The following GALNT14 variants were observed in gnomAD, a reference collection of about 807,000 sequenced individuals.
GALNT14 encodes polypeptide N-acetylgalactosaminyltransferase 14, also known as UDP-GalNAc:polypeptide N-acetylgalactosaminyltransferase 14.
A neutral mutation model predicts 77.5 loss-of-function variants in GALNT14; 60 were observed. The ratio of observed to expected loss-of-function variants is 0.77; its 90% CI spans 0.63 to 0.96. The LOEUF is 0.96. Ranked by LOEUF, GALNT14 falls within the 40% of genes least tolerant of loss-of-function variation. The probability of loss-of-function intolerance (pLI) is 0.00; values close to 1 mark genes in which losing one functional copy is unlikely to be tolerated. For missense variants in GALNT14, 710 were observed against 731.0 expected (o/e 0.97, Z 0.33); for synonymous variants, 280 against 281.7 (o/e 0.99, Z 0.06).
chr2:31,057,372 GTGTATA>G (rs779891736), intron 1 of GALNT14, among the ~76,000 whole-genome samples: 12,379 of 78,766 alleles, frequency 0.16, 648 homozygotes, highest in East Asian at 0.21. Context: ...GTGTGTGTGT[GTGTATA>G]TATATATATA....
intron 1 of GALNT14, among the ~76,000 whole-genome samples, chr2:31,048,415 G>C (rs969098530): frequency 1.3e-5 from 2 of 152,218 alleles, no homozygotes; most frequent in African/African-American, 4.8e-5. Flanking sequence ...AAGGAAGACA[G>C]GGCTCTACTT....
chr2:31,138,148 G>T lies in GALNT14; in HGVS notation c.-62C>A. 3 of 1,610,034 alleles carry T rather than the reference G, an allele frequency of 1.9e-6. No individual in the cohort carries two copies. In the South Asian group the frequency reaches 3.3e-5, roughly 18 times the overall value. ...CCCGGGGGCACCCCCCGGCGGTCAG[G>T]GTTGGCGGGGCAGGAGTCCTGGCGA... On this transcript the variant is annotated 5_prime_UTR_variant, in exon 1 of 15. Coordinates refer to ENST00000349752, the MANE Select transcript of GALNT14 (RefSeq NM_024572.4).
the GALNT14 span, among the ~76,000 whole-genome samples, chr2:30,899,361 G>C: frequency 1.3e-5 from 2 of 152,218 alleles, no homozygotes; most frequent in Non-Finnish European, 2.9e-5. Context: ...GAATTTCTTG[G>C]AGGACCATCC....
At chr2:31,128,291 C>T (rs1328777997) in intron 1 of GALNT14, among the ~76,000 whole-genome samples, 4 of 152,070 alleles carry the variant, frequency 2.6e-5, no homozygotes, top group African/African-American at 9.7e-5. Flanking sequence ...ACCAGCAAGA[C>T]ATGGCAGGGT....
chr2:31,136,192 T>G (rs1369316621), intron 1 of GALNT14, among the ~76,000 whole-genome samples: 1 of 152,126 alleles, frequency 6.6e-6, no homozygotes, highest in Admixed American at 6.5e-5. Flanking sequence ...GCCACCTCAC[T>G]GCCTGACCCT....
At position 31,094,448 on chromosome 2, in the gene GALNT14, C is replaced by T. The variant is rs144854370; in HGVS notation, c.129+43510G>A. ...TTGGTGGTCTCTTCACTTGGACATG[C>T]ATGACAGACCCGATGCCATTTGGAG... On this transcript the variant is annotated intron_variant, in intron 1 of 14. Transcript: ENST00000349752. Among the ~76,000 whole-genome samples the T allele has an allele frequency of 6.7e-3, 1,020 of 152,308 alleles. 10 individuals are homozygous for T. The highest frequency in any genetic ancestry group is 0.011 in the Non-Finnish European group (750 of 68,018).
intron 5 of GALNT14, 60 bp downstream of exon 5, chr2:30,955,852 T>G: frequency 6.2e-7 from 1 of 1,609,348 alleles, no homozygotes; most frequent in Middle Eastern, 1.9e-4. Context: ...ACACACACCA[T>G]CACACCTTCG....
chr2:30,945,778 C>T lies in GALNT14; in HGVS notation c.742+5G>A. 2 of 1,612,366 alleles carry T rather than the reference C, an allele frequency of 1.2e-6. No homozygotes were observed. Among genetic ancestry groups the T allele is most frequent in the Middle Eastern group, 1.7e-4 (1 of 6,060 alleles). ...TACTGGGGAGGAGGTGTTAGCCCAA[C>T]TCACCCCCTCTGAGCTCCGAGGCAG... is the stretch of plus-strand genomic sequence containing the variant. On this transcript the variant is annotated splice_donor_5th_base_variant and intron_variant, in intron 7 of 14. Coordinates refer to ENST00000349752, the MANE Select transcript of GALNT14 (RefSeq NM_024572.4).
At chr2:31,092,297 C>G (rs976040833) in intron 1 of GALNT14, among the ~76,000 whole-genome samples, 1 of 151,442 alleles carries the variant, frequency 6.6e-6, no homozygotes, top group Admixed American at 6.6e-5. Context: ...CCTATTAGTT[C>G]TGTCCCTTTA....
intron 1 of GALNT14, among the ~76,000 whole-genome samples, chr2:31,006,163 G>C (rs1417382472): frequency 6.6e-6 from 1 of 152,162 alleles, no homozygotes; most frequent in Non-Finnish European, 1.5e-5. Flanking sequence ...TCACACTCAC[G>C]AGGAATGTGT....
At chr2:30,903,492 G>A in the GALNT14 span, among the ~76,000 whole-genome samples, 1 of 152,272 alleles carries the variant, frequency 6.6e-6, no homozygotes, top group South Asian at 2.1e-4. Flanking sequence ...TTGCCTGGGT[G>A]AAGCAAGCAG....
chr2:30,893,027 C>T, the GALNT14 span, among the ~76,000 whole-genome samples: 8,428 of 152,104 alleles, frequency 0.055, 321 homozygotes, highest in South Asian at 0.13. Flanking sequence ...AAAAATTGAC[C>T]TCTGATGCAT....
intron 2 of GALNT14, among the ~76,000 whole-genome samples, chr2:30,992,014 C>T (rs1407542032): frequency 1.3e-5 from 2 of 152,182 alleles, no homozygotes; most frequent in South Asian, 4.1e-4. Flanking sequence ...GGTGCAAAGT[C>T]AATTTCCTGC....
chr2:31,091,249 G>T (rs1676722042), intron 1 of GALNT14, among the ~76,000 whole-genome samples: 1 of 152,146 alleles, frequency 6.6e-6, no homozygotes, highest in Non-Finnish European at 1.5e-5. Flanking sequence ...AAGTCAAAAG[G>T]AGAATATTTT....
chr2:31,108,738 C>G (rs1037991572), intron 1 of GALNT14, among the ~76,000 whole-genome samples: 1 of 152,212 alleles, frequency 6.6e-6, no homozygotes, highest in Non-Finnish European at 1.5e-5. Flanking sequence ...AAGCATTAAT[C>G]ATATGCATGC....
intron 1 of GALNT14, among the ~76,000 whole-genome samples, chr2:31,039,586 C>G (rs1672976761): frequency 6.6e-6 from 1 of 152,216 alleles, no homozygotes; most frequent in African/African-American, 2.4e-5. Flanking sequence ...GTCCAATATG[C>G]TCTTCCTCAT....
chr2:31,130,734 C>CTGTGTG (rs4020220), intron 1 of GALNT14, among the ~76,000 whole-genome samples: 5,840 of 117,314 alleles, frequency 0.05, 164 homozygotes, highest in East Asian at 0.06. Flanking sequence ...CAGGGTACCT[C>CTGTGTG]TGTGTGTGTG....
chr2:30,938,360 A>ACG (rs1491527197), intron 9 of GALNT14, among the ~76,000 whole-genome samples: 1 of 56,374 alleles, frequency 1.8e-5, no homozygotes, highest in East Asian at 8.8e-4. Flanking sequence ...GATTCCTTTT[A>ACG]CACACACACA....
At chr2:30,991,766 A>T (rs1669721027) in intron 2 of GALNT14, among the ~76,000 whole-genome samples, 1 of 152,196 alleles carries the variant, frequency 6.6e-6, no homozygotes. Context: ...TGTTTAGAAG[A>T]CAAGGTTTCC....
Sources: gnomAD v4.1 joint callset for allele counts (sites outside exome capture counted in the v4.1 genomes callset) on GRCh38, gnomAD v4.1.1 for gene constraint, MANE v1.5 for transcripts, NCBI Gene and HGNC (gene_info 2026-07-23, HGNC 2026-07-21) for gene names.